The following DDC variants were observed in gnomAD, a reference collection of about 807,000 sequenced individuals.
The protein encoded by DDC is aromatic-L-amino-acid decarboxylase.
A neutral mutation model predicts 60.0 loss-of-function variants in DDC; 43 were observed. That is an observed-to-expected ratio of 0.72 (90% confidence interval 0.56 to 0.92). The LOEUF (loss-of-function observed/expected upper bound fraction) is 0.92. Among genes scored for constraint, DDC ranks in the 40% least tolerant of loss-of-function variants. The pLI is 0.00. For synonymous variants in DDC, 232 were observed against 234.6 expected, an observed-to-expected ratio of 0.99 and a Z score of 0.10; for missense variants, 573 against 620.2, an observed-to-expected ratio of 0.92 and a Z score of 0.81.
chr7:50,555,708 C>T (rs949032250), intron 1 of DDC, among the ~76,000 whole-genome samples: 1 of 152,166 alleles, frequency 6.6e-6, no homozygotes, highest in Non-Finnish European at 1.5e-5. Flanking sequence ...GCCTGGTTCT[C>T]GTATTTAATC....
intron 1 of DDC, among the ~76,000 whole-genome samples, chr7:50,549,860 C>A (rs2044930583): frequency 6.6e-6 from 1 of 152,188 alleles, no homozygotes; most frequent in African/African-American, 2.4e-5. Context: ...TTGCTGCAAT[C>A]TCATGATAAA....
chr7:50,478,100 C>T (rs2042688458), intron 10 of DDC, among the ~76,000 whole-genome samples: 2 of 151,784 alleles, frequency 1.3e-5, no homozygotes, highest in Admixed American at 1.3e-4. Flanking sequence ...GTGGTCCCAG[C>T]TACTTGGAAG....
intron 1 of DDC, among the ~76,000 whole-genome samples, chr7:50,546,689 T>TA (rs1429604274): frequency 6.6e-6 from 1 of 152,254 alleles, no homozygotes; most frequent in Non-Finnish European, 1.5e-5. Context: ...AATGAACAGT[T>TA]ACAGAAGTTT....
chr7:50,562,204 A>C (rs2045356366), intron 1 of DDC, among the ~76,000 whole-genome samples: 1 of 152,204 alleles, frequency 6.6e-6, no homozygotes. Flanking sequence ...CCATGAGTGC[A>C]GGGGCTGCAG....
chr7:50,549,725 G>A (rs2044925275), intron 1 of DDC, among the ~76,000 whole-genome samples: 1 of 152,058 alleles, frequency 6.6e-6, no homozygotes, highest in African/African-American at 2.4e-5. Context: ...AACAGGAGGT[G>A]GAAGAAGTTG....
In DDC at chr7:50,528,205, C is replaced by T. The variant is rs1437170517; in HGVS notation, c.646G>A (p.Ala216Thr). The T allele has an allele frequency of 1.2e-6, 2 of 1,614,116 alleles. No homozygotes were observed. Among genetic ancestry groups the T allele is most frequent in the Admixed American group, 1.7e-5 (1 of 60,024 alleles). Residue 216 changes from alanine (A) to threonine (T), a missense_variant, in exon 6 of 15, where the codon GCC (alanine) becomes ACC (threonine). Ala to Thr is a moderately conservative substitution (Grantham distance 58). Transcript: ENST00000444124. ...TCCTGCAGGGCAGACGCACGCATGG[C>T]GAAGTTGCCATCTGAGGGGATGGCT... ...LKAIPSDGNF[A>T]MRASALQEAL...
chr7:50,495,258 A>G (rs1172607499), intron 9 of DDC, 92 bp downstream of exon 9: 3 of 894,612 alleles, frequency 3.4e-6, no homozygotes, highest in Middle Eastern at 3.1e-4. Flanking sequence ...CTAAGTGACT[A>G]TTGCACCCCT....
Position 50,499,016 on chromosome 7 carries a change from G to C in DDC, c.876+132C>G, listed in dbSNP as rs1221884553. The C allele has an allele frequency of 3.7e-5, 28 of 755,160 alleles. No homozygotes were observed. The Admixed American group carries it at 5.5e-4, about 15-fold the overall frequency. The allele number at this position is 755,160 out of a possible 1,614,324, so 46.8% of individuals were successfully genotyped here. A position where few individuals can be genotyped will look rare whatever the true frequency, so the allele number is the denominator to read the frequency against. On this transcript the variant is annotated intron_variant, in intron 8 of 14. Transcript: ENST00000444124. ...CTCAGCCCCTATTCTGAGGAAGTCG[G>C]AATTGGTTCAAACATAATTGGCTGA...
intron 4 of DDC, 88 bp downstream of exon 4, chr7:50,537,772 A>G: frequency 1.3e-6 from 2 of 1,507,296 alleles, no homozygotes; most frequent in Non-Finnish European, 1.8e-6. Context: ...ACTAACAAGA[A>G]GCATGAGTGC....
At chr7:50,488,129 G>A (rs919262778) in intron 9 of DDC, among the ~76,000 whole-genome samples, 14 of 152,070 alleles carry the variant, frequency 9.2e-5, no homozygotes, top group African/African-American at 3.4e-4. Flanking sequence ...ATGACCATCA[G>A]TTTTTATAAG....
At chr7:50,537,773 G>A in intron 4 of DDC, 87 bp downstream of exon 4, 1 of 1,521,552 alleles carries the variant, frequency 6.6e-7, no homozygotes, top group Non-Finnish European at 9.1e-7. Flanking sequence ...CTAACAAGAA[G>A]CATGAGTGCC....
At chr7:50,471,120 G>A (rs991981489) in intron 11 of DDC, among the ~76,000 whole-genome samples, 3 of 152,190 alleles carry the variant, frequency 2.0e-5, no homozygotes, top group Non-Finnish European at 2.9e-5. Flanking sequence ...GGCCGGATGC[G>A]GTGGCTCACG....
chr7:50,535,947 G>C (rs541659859), intron 4 of DDC, among the ~76,000 whole-genome samples: 1 of 152,122 alleles, frequency 6.6e-6, no homozygotes, highest in Non-Finnish European at 1.5e-5. Flanking sequence ...AAGGAGATGC[G>C]ACCAGGAAAG....
At chr7:50,534,670 G>A (rs559220594) in intron 4 of DDC, among the ~76,000 whole-genome samples, 4 of 152,164 alleles carry the variant, frequency 2.6e-5, no homozygotes, top group Middle Eastern at 3.4e-3. Flanking sequence ...ACCTTGTCCC[G>A]TGTATAAAAC....
At chr7:50,560,129 G>A (rs994053787) in intron 1 of DDC, among the ~76,000 whole-genome samples, 10 of 152,112 alleles carry the variant, frequency 6.6e-5, no homozygotes, top group African/African-American at 9.7e-5. Flanking sequence ...GCAGGACTCC[G>A]GTGCCCCCAG....
intron 2 of DDC, chr7:50,543,031 T>TA (rs1563043524): frequency 1.3e-5 from 2 of 152,688 alleles, no homozygotes; most frequent in East Asian, 1.9e-4. Flanking sequence ...TCATAGGCCT[T>TA]ACAACCACAG....
rs555783945 is a variant in DDC at position 50,497,245 on chromosome 7, A to G, written c.877-1828T>C. Among the ~76,000 whole-genome samples, 46 of 152,346 alleles carry G rather than the reference A, an allele frequency of 3.0e-4. 1 individual carries two copies. Among genetic ancestry groups the G allele is most frequent in the Admixed American group, 1.0e-3 (16 of 15,300 alleles). On this transcript the variant is annotated intron_variant, in intron 8 of 14. Coordinates refer to ENST00000444124, the MANE Select transcript of DDC (RefSeq NM_001082971.2). Reference sequence around the variant, plus strand: ...AAAGAGTCGGGAGCAATAATGCAAGAAAAATGGCAGTGACTCATTGTACAG... The same window carrying G: ...AAAGAGTCGGGAGCAATAATGCAAGGAAAATGGCAGTGACTCATTGTACAG...
chr7:50,560,394 A>G (rs1220025588), intron 1 of DDC, among the ~76,000 whole-genome samples: 1 of 152,088 alleles, frequency 6.6e-6, no homozygotes, highest in Non-Finnish European at 1.5e-5. Context: ...ATTTTCAGTG[A>G]CCTCACACTT....
chr7:50,559,282 C>T (rs1585298198), intron 1 of DDC, among the ~76,000 whole-genome samples: 1 of 152,194 alleles, frequency 6.6e-6, no homozygotes, highest in East Asian at 1.9e-4. Flanking sequence ...TCTGCTGTCT[C>T]TCAACACAGT....
Sources: gnomAD v4.1 joint callset for allele counts (sites outside exome capture counted in the v4.1 genomes callset) on GRCh38, gnomAD v4.1.1 for gene constraint, MANE v1.5 for transcripts, NCBI Gene and HGNC (gene_info 2026-07-23, HGNC 2026-07-21) for gene names.